BAZ2B: variants seen among roughly 807,000 people sequenced by gnomAD.
The protein encoded by BAZ2B is bromodomain adjacent to zinc finger domain 2B.
Under a neutral mutation model 246.0 loss-of-function variants are expected in BAZ2B, and 91 were observed. The ratio of observed to expected loss-of-function variants is 0.37; its 90% CI spans 0.31 to 0.44. The LOEUF (loss-of-function observed/expected upper bound fraction) is 0.44. Ranked by LOEUF, BAZ2B falls within the 20% of genes least tolerant of loss-of-function variation. The pLI, the probability that BAZ2B is intolerant of heterozygous loss-of-function variation, is 1.00. For missense variants in BAZ2B, 2,332 were observed against 2,533.7 expected (o/e 0.92, Z 1.71); for synonymous variants, 855 against 860.0 (o/e 0.99, Z 0.10).
intron 21 of BAZ2B, among the ~76,000 whole-genome samples, chr2:159,388,587 A>G (rs1225351068): frequency 1.3e-5 from 2 of 152,148 alleles, no homozygotes; most frequent in Non-Finnish European, 2.9e-5. Context: ...TTTGTGTCTC[A>G]GTTTTCTCAT....
Position 159,324,810 on chromosome 2 carries a change from C to A in BAZ2B, c.6353+1G>T. 1 of 1,485,922 alleles carries A rather than the reference C, an allele frequency of 6.7e-7. No homozygotes were observed. Among genetic ancestry groups the A allele is most frequent in the South Asian group, 1.4e-5 (1 of 71,012 alleles). The allele number at this position is 1,485,922 out of a possible 1,614,324, so 92.0% of individuals were successfully genotyped here. On this transcript the variant is annotated splice_donor_variant, in intron 36 of 36. Coordinates refer to ENST00000392783, the MANE Select transcript of BAZ2B (RefSeq NM_013450.4). LOFTEE classifies it high-confidence loss of function. ...TTAGTGAACTGAAATGATTTACTTA[C>A]TGTCCACTACTTAGTTTCTCTCTAA... is the stretch of plus-strand genomic sequence containing the variant.
the BAZ2B span, among the ~76,000 whole-genome samples, chr2:159,683,764 CTA>C: frequency 1.3e-5 from 2 of 152,190 alleles, no homozygotes; most frequent in Non-Finnish European, 2.9e-5. Context: ...GCAATCTGTG[CTA>C]TGTCTTCTCC....
At position 159,438,601 on chromosome 2, in the gene BAZ2B, G is replaced by A. The variant is rs199944128; in HGVS notation, c.995C>T (p.Ala332Val). 137 of 1,613,996 alleles carry A rather than the reference G, an allele frequency of 8.5e-5. 1 individual carries two copies. Among genetic ancestry groups the A allele is most frequent in the Non-Finnish European group, 4.2e-6 (5 of 1,180,016 alleles). Residue 332 changes from alanine to valine, a missense_variant, in exon 8 of 37, where the codon GCG becomes GTG. Transcript: ENST00000392783. ...GAATGAGTGAGTCTGGGATTCAGACGCAAGAGGTAATGGCTGGTGTATTCT... is the reference window on the plus strand; with the variant it reads ...GAATGAGTGAGTCTGGGATTCAGACACAAGAGGTAATGGCTGGTGTATTCT... ...EKRIHQPLPL[A>V]SESQTHSFQS...
chr2:159,370,619 G>T (rs375825634), intron 27 of BAZ2B, among the ~76,000 whole-genome samples: 1 of 151,916 alleles, frequency 6.6e-6, no homozygotes, highest in African/African-American at 2.4e-5. Flanking sequence ...TGATCCGCCC[G>T]TCTCCGCCTC....
chr2:159,489,389 G>A (rs976521045), intron 2 of BAZ2B, among the ~76,000 whole-genome samples: 3 of 152,126 alleles, frequency 2.0e-5, no homozygotes, highest in Non-Finnish European at 2.9e-5. Context: ...AATAAGCATC[G>A]AAAAACAGTT....
intron 2 of BAZ2B, among the ~76,000 whole-genome samples, chr2:159,517,106 C>A (rs1048642970): frequency 6.6e-6 from 1 of 151,732 alleles, no homozygotes; most frequent in Admixed American, 6.6e-5. Context: ...CAACTTCCTG[C>A]AAAATAAGAC....
chr2:159,603,308 A>G (rs542546647), intron 1 of BAZ2B, among the ~76,000 whole-genome samples: 1 of 152,346 alleles, frequency 6.6e-6, no homozygotes, highest in East Asian at 1.9e-4. Context: ...TCGTAAAAAT[A>G]CATACATTTT....
intron 1 of BAZ2B, among the ~76,000 whole-genome samples, chr2:159,563,914 C>T (rs1578410421): frequency 1.3e-5 from 2 of 152,092 alleles, no homozygotes; most frequent in South Asian, 2.1e-4. Context: ...AGACATGAAT[C>T]GAATAATTCT....
intron 1 of BAZ2B, among the ~76,000 whole-genome samples, chr2:159,602,975 A>G (rs1692515444): frequency 6.6e-6 from 1 of 152,156 alleles, no homozygotes; most frequent in Non-Finnish European, 1.5e-5. Flanking sequence ...AATGTCTAAT[A>G]AAAATACAAA....
At chr2:159,706,686 C>T in the BAZ2B span, among the ~76,000 whole-genome samples, 2 of 152,234 alleles carry the variant, frequency 1.3e-5, no homozygotes, top group South Asian at 2.1e-4. Context: ...CTAAGTCATA[C>T]CATCTCTGTC....
chr2:159,405,753 T>G (rs2065837546), intron 14 of BAZ2B, among the ~76,000 whole-genome samples: 1 of 152,092 alleles, frequency 6.6e-6, no homozygotes, highest in Non-Finnish European at 1.5e-5. Context: ...AAACCCCACT[T>G]AGTGGGAAAA....
intron 33 of BAZ2B, among the ~76,000 whole-genome samples, chr2:159,333,249 A>G (rs1247614328): frequency 6.6e-6 from 1 of 152,208 alleles, no homozygotes; most frequent in Admixed American, 6.5e-5. Flanking sequence ...GAAACGTTGA[A>G]AATCAACCCA....
rs2062528559 is a variant in BAZ2B at position 159,320,130 on chromosome 2, G to T, written c.*135C>A. The stretch of plus-strand genomic sequence containing the variant: ...CCTTTAAAAATGGTATCATTCTTCT[G>T]ATACTTTTTTTTTATACTTAAGGAA... On this transcript the variant is annotated 3_prime_UTR_variant, in exon 37 of 37. Transcript: ENST00000392783. 2.5e-6 allele frequency: 2 copies of T among 799,842 alleles called. No homozygotes were observed. Among genetic ancestry groups the T allele is most frequent in the East Asian group, 3.4e-5 (1 of 29,536 alleles). The allele number at this position is 799,842 out of a possible 1,614,324, so 49.5% of individuals were successfully genotyped here.
intron 36 of BAZ2B, among the ~76,000 whole-genome samples, chr2:159,323,157 G>C (rs773359960): frequency 6.6e-6 from 1 of 151,850 alleles, no homozygotes; most frequent in Non-Finnish European, 1.5e-5. Context: ...GCTAATTTTT[G>C]TACTTTTAGT....
intron 34 of BAZ2B, among the ~76,000 whole-genome samples, chr2:159,327,219 T>C (rs761473262): frequency 2.6e-5 from 4 of 152,154 alleles, no homozygotes; most frequent in Admixed American, 6.5e-5. Flanking sequence ...GCCTGGCTAA[T>C]AAAGTTGGTT....
the BAZ2B span, among the ~76,000 whole-genome samples, chr2:159,663,241 G>A: frequency 1.4e-5 from 2 of 143,968 alleles, no homozygotes; most frequent in South Asian, 2.2e-4. Context: ...TCTCACTGTC[G>A]GCCAGGCTGG....
rs182327315 is a variant in BAZ2B at position 159,401,558 on chromosome 2, C to T, written c.2833-894G>A. Among the ~76,000 whole-genome samples, 579 of 152,134 alleles carry T rather than the reference C, an allele frequency of 3.8e-3. 6 individuals are homozygous for T. The highest frequency in any genetic ancestry group is 0.013 in the African/African-American group (545 of 41,520). On this transcript the variant is annotated intron_variant, in intron 16 of 36. Transcript: ENST00000392783. ...CATAATATAACATTGCTTTTAATTA[C>T]AATTAGCCCATTTCAGAAATAACCT...
At chr2:159,501,073 C>T (rs1184333670) in intron 2 of BAZ2B, among the ~76,000 whole-genome samples, 1 of 137,460 alleles carries the variant, frequency 7.3e-6, no homozygotes, top group Non-Finnish European at 1.5e-5. Context: ...AGTTCAAGAT[C>T]AGCCTGGGCA....
At chr2:159,380,897 C>T (rs972794786) in intron 25 of BAZ2B, among the ~76,000 whole-genome samples, 14 of 152,178 alleles carry the variant, frequency 9.2e-5, no homozygotes, top group African/African-American at 2.9e-4. Flanking sequence ...CCCATATACT[C>T]TTTGCTGATT....
Sources: gnomAD v4.1 joint callset for allele counts (sites outside exome capture counted in the v4.1 genomes callset) on GRCh38, gnomAD v4.1.1 for gene constraint, MANE v1.5 for transcripts, NCBI Gene and HGNC (gene_info 2026-07-23, HGNC 2026-07-21) for gene names.